The following MYO10 variants were observed in gnomAD, a reference collection of about 807,000 sequenced individuals.
The protein encoded by MYO10 is unconventional myosin-X.
A neutral mutation model predicts 257.3 loss-of-function variants in MYO10; 133 were observed. The observed-to-expected ratio is 0.52, with a 90% CI of 0.45 to 0.60. The LOEUF (loss-of-function observed/expected upper bound fraction) is 0.60. Among genes scored for constraint, MYO10 ranks in the 20% least tolerant of loss-of-function variants. The pLI, the probability that MYO10 is intolerant of heterozygous loss-of-function variation, is 0.00. For synonymous variants in MYO10, 1,104 were observed against 1,028.6 expected, an observed-to-expected ratio of 1.07 and a Z score of -1.40; for missense variants, 2,399 against 2,635.7, an observed-to-expected ratio of 0.91 and a Z score of 1.97.
Position 16,781,970 on chromosome 5 carries a change from C to T in MYO10, c.603-141G>A, listed in dbSNP as rs775113941. 14 of 1,029,184 alleles carry T rather than the reference C, an allele frequency of 1.4e-5. No individual in the cohort carries two copies. In the East Asian group the frequency reaches 1.4e-4, roughly 11 times the overall value. The allele number at this position is 1,029,184 out of a possible 1,614,324, so 63.8% of individuals were successfully genotyped here. A position where few individuals can be genotyped will look rare whatever the true frequency, so the allele number is the denominator to read the frequency against. On this transcript the variant is annotated intron_variant, in intron 5 of 40. Transcript: ENST00000513610. ...GACTGAGGGTGGCAATGTTTATTTC[C>T]GGAAGAGCCAGATTTTCAAAATGCT...
chr5:16,762,484 G>A lies in MYO10; in HGVS notation c.1587+61C>T. On this transcript the variant is annotated intron_variant, in intron 15 of 40. Coordinates refer to ENST00000513610, the MANE Select transcript of MYO10 (RefSeq NM_012334.3). ...GCCAGCGGACTGACATGTCTGGTGTGTAATCCCAACCCACAGACGTGCTAC... is the reference window on the plus strand; with the variant it reads ...GCCAGCGGACTGACATGTCTGGTGTATAATCCCAACCCACAGACGTGCTAC... The A allele has an allele frequency of 3.0e-6, 4 of 1,348,182 alleles. No homozygotes were observed. The South Asian group carries it at 5.1e-5, about 17-fold the overall frequency. The allele number at this position is 1,348,182 out of a possible 1,614,324, so 83.5% of individuals were successfully genotyped here.
At chr5:16,738,016 CG>C (rs1561218238) in intron 19 of MYO10, 6 of 764,554 alleles carry the variant, frequency 7.8e-6, no homozygotes, top group African/African-American at 1.9e-5. Flanking sequence ...CAGAGTAGCA[CG>C]GAACTAGAAA....
intron 4 of MYO10, among the ~76,000 whole-genome samples, chr5:16,791,846 G>A (rs1741767321): frequency 6.6e-6 from 1 of 152,132 alleles, no homozygotes; most frequent in Non-Finnish European, 1.5e-5. Context: ...ATTTAGAAGA[G>A]CCCACAAATA....
intron 2 of MYO10, among the ~76,000 whole-genome samples, chr5:16,823,841 T>C (rs78635617): frequency 0.026 from 4,024 of 152,092 alleles, 161 homozygotes; most frequent in African/African-American, 0.092. Flanking sequence ...CACAATACTG[T>C]AACAAGATGT....
intron 1 of MYO10, among the ~76,000 whole-genome samples, chr5:16,911,516 G>C (rs1413885913): frequency 3.3e-5 from 5 of 152,190 alleles, no homozygotes; most frequent in South Asian, 2.1e-4. Context: ...GGGATCCCTT[G>C]AGCTCAGGAG....
chr5:16,858,667 G>A (rs908437983), intron 2 of MYO10, among the ~76,000 whole-genome samples: 5 of 152,088 alleles, frequency 3.3e-5, no homozygotes, highest in Non-Finnish European at 5.9e-5. Context: ...GCAGTTCTAC[G>A]TAACACACAG....
chr5:16,835,926 A>T (rs1216588949), intron 2 of MYO10, among the ~76,000 whole-genome samples: 1 of 152,106 alleles, frequency 6.6e-6, no homozygotes, highest in African/African-American at 2.4e-5. Context: ...ACTCCTCTCA[A>T]ATGTGTCAAC....
intron 19 of MYO10, among the ~76,000 whole-genome samples, chr5:16,726,780 T>C (rs571969470): frequency 1.3e-5 from 2 of 152,196 alleles, no homozygotes; most frequent in Non-Finnish European, 1.5e-5. Context: ...CTTCTGAGCA[T>C]TAAAACCCAC....
chr5:16,780,233 AG>A lies in MYO10; in HGVS notation c.826+290del, dbSNP rs546678570. On this transcript the variant is annotated intron_variant, in intron 8 of 40. Coordinates refer to ENST00000513610, the MANE Select transcript of MYO10 (RefSeq NM_012334.3). The stretch of plus-strand genomic sequence containing the variant: ...AAATATTTAGAAATTAACTTTATTC[AG>A]GGTGGCTGAAAAGTGAAACCAGCTG... 3.9e-5 allele frequency among the ~76,000 whole-genome samples: 6 copies of A among 152,250 alleles called. No individual in the cohort carries two copies. In the South Asian group the frequency reaches 1.2e-3, roughly 32 times the overall value.
At chr5:16,876,426 A>G (rs1460643163) in intron 2 of MYO10, among the ~76,000 whole-genome samples, 4 of 152,220 alleles carry the variant, frequency 2.6e-5, no homozygotes, top group Non-Finnish European at 5.9e-5. Context: ...AAACTTCTTC[A>G]GTTGCTTAAC....
At chr5:16,874,989 A>C (rs1744558548) in intron 2 of MYO10, among the ~76,000 whole-genome samples, 1 of 152,156 alleles carries the variant, frequency 6.6e-6, no homozygotes, top group South Asian at 2.1e-4. Context: ...GAAGAAGCAA[A>C]AGCGGAAACC....
chr5:16,771,229 C>T (rs1267673277), intron 9 of MYO10, among the ~76,000 whole-genome samples: 2 of 151,894 alleles, frequency 1.3e-5, no homozygotes, highest in Non-Finnish European at 2.9e-5. Context: ...AGAAATCGAA[C>T]ATGTACAAAT....
chr5:16,674,786 G>A (rs541281170), intron 35 of MYO10, 67 bp downstream of exon 35: 64 of 1,554,880 alleles, frequency 4.1e-5, no homozygotes, highest in East Asian at 6.7e-5. Flanking sequence ...TTATCTGAAC[G>A]AGGACCCAGT....
chr5:16,811,400 C>T (rs998417468), intron 3 of MYO10, among the ~76,000 whole-genome samples: 1 of 152,204 alleles, frequency 6.6e-6, no homozygotes, highest in African/African-American at 2.4e-5. Context: ...GGCTGCCCAT[C>T]CCACCTAATT....
rs1191355871 is a variant in MYO10, at chr5:16,783,428, A to C, written c.509T>G (p.Ile170Ser). 1.9e-6 allele frequency: 3 copies of C among 1,610,982 alleles called. No individual in the cohort carries two copies. The African/African-American group carries it at 4.0e-5, about 22-fold the overall frequency. Residue 170 changes from isoleucine to serine, a missense_variant, in exon 5 of 41, where the codon ATC becomes AGC. Transcript: ENST00000513610. ...GAGKTESTKL[I>S]LKFLSVISQQ... ...ACTGATGACTGACAGAAACTTGAGG[A>C]TCAATTTAGTGCTTTCGGTTTTACC...
intron 1 of MYO10, among the ~76,000 whole-genome samples, chr5:16,904,843 G>A (rs1343119911): frequency 6.6e-6 from 1 of 152,058 alleles, no homozygotes; most frequent in African/African-American, 2.4e-5. Flanking sequence ...GCAAGAGAAT[G>A]GCGTGAACCC....
chr5:16,671,054 A>G (rs1299979161), intron 38 of MYO10, 76 bp from the exon 39 acceptor site: 8 of 1,313,054 alleles, frequency 6.1e-6, no homozygotes, highest in Non-Finnish European at 7.3e-6. Context: ...TTGCTCCCTC[A>G]CTTCATGAGG....
At chr5:16,838,857 A>G (rs1561011557) in intron 2 of MYO10, among the ~76,000 whole-genome samples, 1 of 152,234 alleles carries the variant, frequency 6.6e-6, no homozygotes, top group Non-Finnish European at 1.5e-5. Context: ...AAATCTACTC[A>G]TCTCTATAAA....
At chr5:16,918,962 A>G (rs1174468709) in intron 1 of MYO10, among the ~76,000 whole-genome samples, 1 of 152,208 alleles carries the variant, frequency 6.6e-6, no homozygotes, top group Non-Finnish European at 1.5e-5. Context: ...TGTTCCAGTC[A>G]CTGGCAGAAA....
Sources: allele counts gnomAD v4.1 joint callset (sites outside exome capture counted in the v4.1 genomes callset), GRCh38; gene constraint gnomAD v4.1.1; transcripts MANE v1.5; gene names NCBI Gene and HGNC (gene_info 2026-07-23, HGNC 2026-07-21).